The following CDH13 variants were observed in gnomAD, a reference collection of about 807,000 sequenced individuals.
CDH13 encodes cadherin-13.
CDH13 carries 24 observed loss-of-function variants against 63.8 expected under a neutral mutation model. The ratio of observed to expected loss-of-function variants is 0.38; its 90% confidence interval spans 0.27 to 0.53. The LOEUF (loss-of-function observed/expected upper bound fraction) is 0.53. CDH13 is among the 20% of genes least tolerant of loss of function. CDH13 has a pLI of 0.85. For missense variants in CDH13, 1,049 were observed against 903.1 expected (o/e 1.16, Z -2.07); for synonymous variants, 503 against 355.3 (o/e 1.42, Z -4.67).
At chr16:82,714,831 A>G (rs1377887920) in intron 1 of CDH13, among the ~76,000 whole-genome samples, 2 of 145,000 alleles carry the variant, frequency 1.4e-5, no homozygotes, top group Admixed American at 7.3e-5. Flanking sequence ...ACTGCCAGCA[A>G]TGACCAGAAG....
chr16:83,382,770 A>G (rs1245075839), intron 6 of CDH13, among the ~76,000 whole-genome samples: 1 of 152,118 alleles, frequency 6.6e-6, no homozygotes, highest in African/African-American at 2.4e-5. Context: ...TCTCTTTTTC[A>G]TATCTGGCCC....
chr16:82,876,746 T>C (rs2040519870), intron 2 of CDH13, among the ~76,000 whole-genome samples: 1 of 152,192 alleles, frequency 6.6e-6, no homozygotes, highest in Non-Finnish European at 1.5e-5. Context: ...AGAGCCCACT[T>C]TGTGGTCTAG....
At chr16:83,027,162 C>T (rs1915897046) in intron 2 of CDH13, among the ~76,000 whole-genome samples, 1 of 134,808 alleles carries the variant, frequency 7.4e-6, no homozygotes, top group Non-Finnish European at 1.6e-5. Flanking sequence ...TCATTTTGCT[C>T]TGGAGAGTAA....
At chr16:82,743,091 A>C (rs75792684) in intron 1 of CDH13, among the ~76,000 whole-genome samples, 9,428 of 152,316 alleles carry the variant, frequency 0.062, 322 homozygotes, top group African/African-American at 0.069. Context: ...AGCGCCCACA[A>C]CACCTTTTAT....
intron 3 of CDH13, among the ~76,000 whole-genome samples, chr16:83,091,176 C>A (rs907751080): frequency 1.3e-5 from 2 of 151,950 alleles, no homozygotes; most frequent in Non-Finnish European, 2.9e-5. Flanking sequence ...CTTTCTCTCT[C>A]TTCTTCTTTC....
intron 3 of CDH13, among the ~76,000 whole-genome samples, chr16:83,096,116 A>T (rs1160788626): frequency 6.6e-6 from 1 of 152,164 alleles, no homozygotes; most frequent in Non-Finnish European, 1.5e-5. Context: ...AATGGTGGAA[A>T]TATGTGGAGT....
Position 83,747,442 on chromosome 16 carries a change from C to T in CDH13, c.1539-666C>T, listed in dbSNP as rs139314318. 4.4e-3 allele frequency among the ~76,000 whole-genome samples: 674 copies of T among 152,230 alleles called. 11 individuals carry two copies. The highest frequency in any genetic ancestry group is 0.015 in the African/African-American group (605 of 41,514). On this transcript the variant is annotated intron_variant, in intron 10 of 13. Transcript: ENST00000567109. ...TGCCTTTCACCTTCCGCCATGATTG[C>T]GAGGCCTCCTTAGCCACATGGAACT...
chr16:83,397,730 G>T (rs991042166), intron 6 of CDH13, among the ~76,000 whole-genome samples: 2 of 152,204 alleles, frequency 1.3e-5, no homozygotes, highest in Non-Finnish European at 2.9e-5. Context: ...GTTTATCTCT[G>T]TATCTCCTTG....
intron 6 of CDH13, among the ~76,000 whole-genome samples, chr16:83,441,631 C>G (rs2072482720): frequency 6.6e-6 from 1 of 152,122 alleles, no homozygotes; most frequent in Non-Finnish European, 1.5e-5. Context: ...AAGCCCAGCT[C>G]CTGCTTTTCC....
At chr16:82,858,926 A>G (rs2039815255) in intron 2 of CDH13, 1 of 169,680 alleles carries the variant, frequency 5.9e-6, no homozygotes, top group African/African-American at 2.4e-5. Flanking sequence ...GACATCAAAA[A>G]CTCTTATTCT....
chr16:83,242,719 A>G (rs1178542491), intron 5 of CDH13, among the ~76,000 whole-genome samples: 1 of 152,196 alleles, frequency 6.6e-6, no homozygotes, highest in Non-Finnish European at 1.5e-5. Context: ...ATAGTTTTAG[A>G]TGATTGTCTT....
At chr16:83,537,885 A>T (rs560543934) in intron 7 of CDH13, among the ~76,000 whole-genome samples, 13 of 152,352 alleles carry the variant, frequency 8.5e-5, no homozygotes, top group Admixed American at 7.2e-4. Flanking sequence ...CCATAACTAT[A>T]TTCAACATAG....
chr16:82,995,763 T>A (rs1218933604), intron 2 of CDH13, among the ~76,000 whole-genome samples: 1 of 152,184 alleles, frequency 6.6e-6, no homozygotes, highest in Non-Finnish European at 1.5e-5. Context: ...ACCCAGCTTG[T>A]CATGGTTTAC....
chr16:83,157,728 A>G (rs139174565), intron 4 of CDH13, among the ~76,000 whole-genome samples: 4 of 138,808 alleles, frequency 2.9e-5, no homozygotes, highest in Admixed American at 1.4e-4. Context: ...CCCCGTCTCT[A>G]CTAGAAATAT....
chr16:83,528,612 C>G (rs1319293553), intron 7 of CDH13, among the ~76,000 whole-genome samples: 1 of 152,172 alleles, frequency 6.6e-6, no homozygotes, highest in Non-Finnish European at 1.5e-5. Context: ...ATTAGATCAT[C>G]TGTCTCTAAA....
At chr16:82,648,688 T>C (rs1910383127) in intron 1 of CDH13, among the ~76,000 whole-genome samples, 1 of 152,144 alleles carries the variant, frequency 6.6e-6, no homozygotes, top group South Asian at 2.1e-4. Flanking sequence ...TTTTTTCCCC[T>C]CTGGTTTACA....
chr16:83,366,369 C>G (rs558233506), intron 6 of CDH13, among the ~76,000 whole-genome samples: 2 of 152,310 alleles, frequency 1.3e-5, no homozygotes, highest in African/African-American at 2.4e-5. Flanking sequence ...CGATGCCACT[C>G]ATTACCACGA....
chr16:83,112,938 G>A (rs1221432028), intron 3 of CDH13, among the ~76,000 whole-genome samples: 1 of 152,164 alleles, frequency 6.6e-6, no homozygotes, highest in African/African-American at 2.4e-5. Context: ...CACTTATAAA[G>A]GAGGAAAACA....
intron 5 of CDH13, among the ~76,000 whole-genome samples, chr16:83,230,729 G>A (rs1490011225): frequency 6.6e-6 from 1 of 152,186 alleles, no homozygotes; most frequent in Non-Finnish European, 1.5e-5. Flanking sequence ...GGAGGTAGTG[G>A]TGAGCCAAGA....
Sources: gnomAD v4.1 joint callset for allele counts (sites outside exome capture counted in the v4.1 genomes callset) on GRCh38, gnomAD v4.1.1 for gene constraint, MANE v1.5 for transcripts, NCBI Gene and HGNC (gene_info 2026-07-23, HGNC 2026-07-21) for gene names.